The following WNT2 variants were observed in gnomAD, a reference collection of about 807,000 sequenced individuals.
WNT2 encodes protein Wnt-2.
In WNT2, 12 loss-of-function variants were observed where a neutral mutation model predicts 36.9. That is an observed-to-expected ratio of 0.33 (90% CI 0.21 to 0.53). The LOEUF (loss-of-function observed/expected upper bound fraction) is 0.53. WNT2 is among the 20% of genes least tolerant of loss of function. The pLI is 0.95. For missense variants in WNT2, 379 were observed against 473.1 expected (o/e 0.80, Z 1.84); for synonymous variants, 163 against 174.6 (o/e 0.93, Z 0.52).
At chr7:117,301,802 CT>C (rs1181700612) in intron 3 of WNT2, among the ~76,000 whole-genome samples, 2,676 of 112,492 alleles carry the variant, frequency 0.024, 13 homozygotes, top group African/African-American at 0.04. Context: ...TCCCTCCATT[CT>C]TTTTTTTTTT....
intron 2 of WNT2, among the ~76,000 whole-genome samples, chr7:117,316,993 A>G (rs925116615): frequency 2.0e-5 from 3 of 152,216 alleles, no homozygotes; most frequent in Non-Finnish European, 2.9e-5. Context: ...TATCCATTTT[A>G]CAGTTTAGGA....
chr7:117,304,620 G>C (rs1381809211), intron 3 of WNT2, among the ~76,000 whole-genome samples: 2 of 152,106 alleles, frequency 1.3e-5, no homozygotes, highest in Non-Finnish European at 2.9e-5. Context: ...ATTTTCAGTA[G>C]AGACGGGGTT....
intron 1 of WNT2, chr7:117,321,952 C>G (rs1257123859): frequency 6.6e-6 from 1 of 152,218 alleles, no homozygotes; most frequent in African/African-American, 2.4e-5. Flanking sequence ...TTTCCCTGCT[C>G]TAGTCTGTAA....
chr7:117,307,259 T>C (rs923559688), intron 3 of WNT2, among the ~76,000 whole-genome samples: 12 of 152,230 alleles, frequency 7.9e-5, no homozygotes, highest in African/African-American at 2.9e-4. Flanking sequence ...TCTTACCATA[T>C]ATCAAACCAT....
intron 3 of WNT2, among the ~76,000 whole-genome samples, chr7:117,314,445 AG>A (rs1040751501): frequency 6.6e-6 from 1 of 152,208 alleles, no homozygotes; most frequent in Non-Finnish European, 1.5e-5. Flanking sequence ...TGATGGTTAA[AG>A]GGTGTACACT....
rs1401948075 is a variant in WNT2, at chr7:117,322,685, T to A, written c.83+222A>T. Reference sequence around the variant, plus strand: ...ATAAACCAAACATCGGAGCTCTCATTTGAGGGGGAATGTGGTTTTATGGAG... The same window carrying A: ...ATAAACCAAACATCGGAGCTCTCATATGAGGGGGAATGTGGTTTTATGGAG... On this transcript the variant is annotated intron_variant, in intron 1 of 4. Transcript: ENST00000265441. The surrounding 1 kb of genome is among the most constrained non-coding windows in gnomAD (Gnocchi z 5.4). Among the ~76,000 whole-genome samples the A allele has an allele frequency of 6.6e-6, 1 of 151,666 alleles. No individual in the cohort carries two copies. The highest frequency in any genetic ancestry group is 2.0e-4 in the East Asian group (1 of 5,122).
In WNT2 at chr7:117,277,929, G is replaced by C; in HGVS notation, c.*226C>G. On this transcript the variant is annotated 3_prime_UTR_variant, in exon 5 of 5. Coordinates refer to ENST00000265441, the MANE Select transcript of WNT2 (RefSeq NM_003391.3). The stretch of plus-strand genomic sequence containing the variant: ...TTCCAAAGAGAACTCGCCAGGAGGG[G>C]AGATGACTGCAGAACACCAGGAGAT... 2 of 570,468 alleles carry C rather than the reference G, an allele frequency of 3.5e-6. No homozygotes were observed. The highest frequency in any genetic ancestry group is 4.2e-5 in the South Asian group (2 of 47,128). The allele number at this position is 570,468 out of a possible 1,614,324, so 35.3% of individuals were successfully genotyped here.
chr7:117,305,163 T>C (rs1373771310), intron 3 of WNT2, among the ~76,000 whole-genome samples: 1 of 152,208 alleles, frequency 6.6e-6, no homozygotes, highest in Non-Finnish European at 1.5e-5. Flanking sequence ...GGCAGCATTT[T>C]CTTCAATCAC....
chr7:117,306,955 A>T (rs1359820047), intron 3 of WNT2, among the ~76,000 whole-genome samples: 2 of 152,148 alleles, frequency 1.3e-5, no homozygotes, highest in Non-Finnish European at 2.9e-5. Flanking sequence ...ATCTTAGCAG[A>T]TTTTTTTATG....
rs746778490 is a variant in WNT2, at chr7:117,315,241, T to C, written c.418A>G (p.Lys140Glu). ...CTGTCCTTGGCGCTTCCCATCTTCT[T>C]TGGATCACAGGAACAGGATTTTACT... The part of the protein sequence containing the change: ...GEVKSCSCDP[K>E]KMGSAKDSKG... The change falls in exon 3 of 5, where the codon AAG (lysine) becomes GAG (glutamate). Residue 140 changes from lysine (K) to glutamate (E), a missense_variant. Coordinates refer to ENST00000265441, the MANE Select transcript of WNT2 (RefSeq NM_003391.3). 1 of 1,614,178 alleles carries C rather than the reference T, an allele frequency of 6.2e-7. No individual in the cohort carries two copies. The highest frequency in any genetic ancestry group is 2.2e-5 in the East Asian group (1 of 44,880).
At chr7:117,308,217 C>T (rs1308200084) in intron 3 of WNT2, among the ~76,000 whole-genome samples, 1 of 152,112 alleles carries the variant, frequency 6.6e-6, no homozygotes, top group African/African-American at 2.4e-5. Flanking sequence ...AGCTGATTTG[C>T]TTATGCAAAC....
intron 4 of WNT2, among the ~76,000 whole-genome samples, chr7:117,291,071 A>C (rs958417627): frequency 3.9e-5 from 6 of 152,208 alleles, no homozygotes; most frequent in Non-Finnish European, 7.3e-5. Flanking sequence ...AGGCCACACC[A>C]CTGGGCATGA....
intron 3 of WNT2, among the ~76,000 whole-genome samples, chr7:117,305,518 G>A (rs1027269466): frequency 1.3e-5 from 2 of 151,974 alleles, no homozygotes; most frequent in East Asian, 1.9e-4. Flanking sequence ...TTTCTTTCAC[G>A]CTGCTGTATT....
intron 4 of WNT2, among the ~76,000 whole-genome samples, chr7:117,290,979 T>C (rs1422506214): frequency 6.6e-6 from 1 of 152,232 alleles, no homozygotes; most frequent in Non-Finnish European, 1.5e-5. Flanking sequence ...TTTTTAATCA[T>C]GTTTAATCAT....
chr7:117,299,494 C>CTTTT (rs113776491), intron 3 of WNT2, among the ~76,000 whole-genome samples: 23 of 138,842 alleles, frequency 1.7e-4, no homozygotes, highest in Non-Finnish European at 1.7e-4. Flanking sequence ...TTCTTTCTTT[C>CTTTT]TTTTTTTTTT....
chr7:117,289,358 C>T (rs1327182895), intron 4 of WNT2, among the ~76,000 whole-genome samples: 2 of 152,046 alleles, frequency 1.3e-5, no homozygotes, highest in East Asian at 1.9e-4. Context: ...GCGCCCGGCC[C>T]ACTTGAGACT....
intron 4 of WNT2, among the ~76,000 whole-genome samples, chr7:117,295,491 T>TA (rs3837144): frequency 1.3e-5 from 2 of 151,280 alleles, no homozygotes; most frequent in Admixed American, 1.3e-4. Flanking sequence ...CTCTGTGGGG[T>TA]AAAAAAAAAT....
chr7:117,320,151 T>G (rs2116394366), intron 2 of WNT2, among the ~76,000 whole-genome samples: 1 of 152,350 alleles, frequency 6.6e-6, no homozygotes, highest in East Asian at 1.9e-4. Flanking sequence ...CTGATAATCC[T>G]TTGCTGAGAA....
At chr7:117,285,969 C>T (rs769497515) in intron 4 of WNT2, among the ~76,000 whole-genome samples, 1 of 152,130 alleles carries the variant, frequency 6.6e-6, no homozygotes, top group Non-Finnish European at 1.5e-5. Context: ...GTGAGATCAT[C>T]GTCCTAAACC....
Sources: allele counts gnomAD v4.1 joint callset (sites outside exome capture counted in the v4.1 genomes callset), GRCh38; gene constraint gnomAD v4.1.1; non-coding constraint Gnocchi (gnomAD v3.1); transcripts MANE v1.5; gene names NCBI Gene and HGNC (gene_info 2026-07-23, HGNC 2026-07-21).